Variants in ATG5 observed in about 807,000 individuals in gnomAD.
ATG5 encodes autophagy related 5.
ATG5 carries 14 observed loss-of-function variants against 36.5 expected under a neutral mutation model. That is an observed-to-expected ratio of 0.38 (90% CI 0.25 to 0.60). The LOEUF (loss-of-function observed/expected upper bound fraction) is 0.60, where lower values mean the gene tolerates loss of function less well. ATG5 is among the 20% of genes least tolerant of loss of function. ATG5 has a pLI of 0.60. For missense variants in ATG5, 195 were observed against 326.7 expected (o/e 0.60, Z 3.11); for synonymous variants, 95 against 101.5 (o/e 0.94, Z 0.38).
At chr6:106,291,231 C>A (rs906986890) in intron 4 of ATG5, among the ~76,000 whole-genome samples, 1 of 152,166 alleles carries the variant, frequency 6.6e-6, no homozygotes, top group African/African-American at 2.4e-5. Flanking sequence ...AAGACATGTA[C>A]TTAAGAGTCA....
chr6:106,298,090 G>A (rs574962824), intron 3 of ATG5, among the ~76,000 whole-genome samples: 7 of 150,748 alleles, frequency 4.6e-5, no homozygotes, highest in South Asian at 2.1e-4. Context: ...TCAGCCTCCC[G>A]AGTAGCTGGG....
intron 6 of ATG5, among the ~76,000 whole-genome samples, chr6:106,236,241 T>C (rs1777900287): frequency 6.6e-6 from 1 of 152,246 alleles, no homozygotes; most frequent in African/African-American, 2.4e-5. Flanking sequence ...CATTTACCTG[T>C]TGACAGATAT....
At chr6:106,315,577 C>T (rs190590151) in intron 2 of ATG5, among the ~76,000 whole-genome samples, 2 of 152,078 alleles carry the variant, frequency 1.3e-5, no homozygotes, top group East Asian at 1.9e-4. Context: ...TATTAGCTCA[C>T]ATATAACATA....
intron 6 of ATG5, among the ~76,000 whole-genome samples, chr6:106,207,096 G>A (rs1301797155): frequency 6.6e-6 from 1 of 152,132 alleles, no homozygotes; most frequent in Non-Finnish European, 1.5e-5. Flanking sequence ...ACTCTCATGA[G>A]AAATAACATG....
Position 106,325,694 on chromosome 6 carries a change from G to A in ATG5, c.-227C>T, listed in dbSNP as rs1771266930. The A allele has an allele frequency of 2.0e-5, 3 of 153,008 alleles. No homozygotes were observed. Among genetic ancestry groups the A allele is most frequent in the Admixed American group, 1.3e-4 (2 of 15,308 alleles). 9.5% of individuals were successfully genotyped at this position (153,008 alleles called of 1,614,324 possible). A position where few individuals can be genotyped will look rare whatever the true frequency, so the allele number is the denominator to read the frequency against. On this transcript the variant is annotated 5_prime_UTR_variant, in exon 1 of 8. Coordinates refer to ENST00000369076, the MANE Select transcript of ATG5 (RefSeq NM_004849.4). Reference sequence around the variant, plus strand: ...GCGCAGCCGCAAAAAGCACCGGCGCGGAGGTCGGAGCTGAACCCTGCTGCA... The same window carrying A: ...GCGCAGCCGCAAAAAGCACCGGCGCAGAGGTCGGAGCTGAACCCTGCTGCA...
chr6:106,256,755 A>G (rs1240134023), intron 5 of ATG5, among the ~76,000 whole-genome samples: 1 of 152,190 alleles, frequency 6.6e-6, no homozygotes, highest in Admixed American at 6.5e-5. Flanking sequence ...CGTACCATCA[A>G]TGGAGCTTGC....
intron 6 of ATG5, among the ~76,000 whole-genome samples, chr6:106,223,742 A>G (rs552534528): frequency 5.9e-4 from 90 of 152,356 alleles, no homozygotes; most frequent in Middle Eastern, 3.4e-3. Flanking sequence ...AACTACATAC[A>G]TGGTGAAATA....
intron 5 of ATG5, among the ~76,000 whole-genome samples, chr6:106,249,553 A>T (rs1445054671): frequency 2.0e-5 from 3 of 152,222 alleles, no homozygotes; most frequent in African/African-American, 7.2e-5. Flanking sequence ...TACTATGAAC[A>T]TTTGTAAACA....
chr6:106,198,142 T>C (rs1431976916), intron 7 of ATG5, among the ~76,000 whole-genome samples: 2 of 152,206 alleles, frequency 1.3e-5, no homozygotes, highest in Admixed American at 1.3e-4. Context: ...AAGCTTATTC[T>C]TGAATTTCTG....
chr6:106,186,963 T>C (rs549530907), intron 7 of ATG5, among the ~76,000 whole-genome samples: 4 of 152,334 alleles, frequency 2.6e-5, no homozygotes, highest in African/African-American at 9.6e-5. Flanking sequence ...AATGAAACTG[T>C]AGTGGCAAAA....
At chr6:106,287,940 A>T (rs1780145707) in intron 4 of ATG5, among the ~76,000 whole-genome samples, 1 of 152,074 alleles carries the variant, frequency 6.6e-6, no homozygotes, top group Admixed American at 6.6e-5. Context: ...ATCCAAGTGA[A>T]AGGTATTATG....
chr6:106,292,199 G>T (rs1479272292), intron 4 of ATG5, among the ~76,000 whole-genome samples: 1 of 152,170 alleles, frequency 6.6e-6, no homozygotes, highest in African/African-American at 2.4e-5. Context: ...ATTTGAGAAT[G>T]AATCACTGTT....
chr6:106,298,861 C>G (rs555573470), intron 3 of ATG5, among the ~76,000 whole-genome samples: 3 of 152,240 alleles, frequency 2.0e-5, no homozygotes, highest in East Asian at 1.9e-4. Flanking sequence ...GAAAACAGAA[C>G]TGGCAAAAAT....
chr6:106,299,799 A>T (rs2114646597), intron 3 of ATG5, among the ~76,000 whole-genome samples: 2 of 152,364 alleles, frequency 1.3e-5, no homozygotes, highest in East Asian at 3.9e-4. Flanking sequence ...GTATTCTAAA[A>T]TCAGCACTGA....
At chr6:106,286,143 A>G (rs1780069172) in intron 4 of ATG5, among the ~76,000 whole-genome samples, 1 of 152,168 alleles carries the variant, frequency 6.6e-6, no homozygotes, top group South Asian at 2.1e-4. Flanking sequence ...CAGGGAGAAC[A>G]TACACGTACA....
chr6:106,214,668 T>C (rs1436212762), intron 6 of ATG5, among the ~76,000 whole-genome samples: 1 of 152,200 alleles, frequency 6.6e-6, no homozygotes, highest in Non-Finnish European at 1.5e-5. Flanking sequence ...TACTTTGTCA[T>C]ACAAACACTT....
chr6:106,208,147 C>A lies in ATG5; in HGVS notation c.574-6058G>T, dbSNP rs1776709060. 2.0e-5 allele frequency among the ~76,000 whole-genome samples: 3 copies of A among 151,954 alleles called. No individual in the cohort carries two copies. The South Asian group carries it at 6.2e-4, about 32-fold the overall frequency. On this transcript the variant is annotated intron_variant, in intron 6 of 7. Transcript: ENST00000369076. ...CTGTCATTTATTATGGAACCATGGA[C>A]ACAACTACCTATCTTTCCTGAACCT...
Position 106,186,597 on chromosome 6 carries a change from A to C in ATG5, c.771T>G (p.His257Gln). 6.2e-7 allele frequency: 1 copy of C among 1,613,728 alleles called. No individual in the cohort carries two copies. The highest frequency in any genetic ancestry group is 1.7e-5 in the Admixed American group (1 of 59,984). The change falls in exon 8 of 8, where the codon CAT becomes CAG. Residue 257 changes from histidine to glutamine, a missense_variant. His to Gln is a conservative substitution (Grantham distance 24). Transcript: ENST00000369076. ...LETPLQWLSE[H>Q]LSYPDNFLHI... Reference sequence around the variant, plus strand: ...GAAGAAAATTATCCGGGTAGCTCAGATGTTCACTCAGCCACTGCAGAGGTG... The same window carrying C: ...GAAGAAAATTATCCGGGTAGCTCAGCTGTTCACTCAGCCACTGCAGAGGTG...
At chr6:106,301,649 T>A (rs1770211147) in intron 3 of ATG5, among the ~76,000 whole-genome samples, 1 of 152,072 alleles carries the variant, frequency 6.6e-6, no homozygotes, top group Admixed American at 6.6e-5. Flanking sequence ...CTGAACCTTT[T>A]TTAACACTGA....
Sources: gnomAD v4.1 joint callset for allele counts (sites outside exome capture counted in the v4.1 genomes callset) on GRCh38, gnomAD v4.1.1 for gene constraint, MANE v1.5 for transcripts, NCBI Gene and HGNC (gene_info 2026-07-23, HGNC 2026-07-21) for gene names.